ZIM2: variants seen among roughly 807,000 people sequenced by gnomAD.
The protein encoded by ZIM2 is zinc finger protein 656.
Under a neutral mutation model 38.6 loss-of-function variants are expected in ZIM2, and 14 were observed. The ratio of observed to expected loss-of-function variants is 0.36; its 90% confidence interval spans 0.24 to 0.57. The LOEUF (loss-of-function observed/expected upper bound fraction) is 0.57, where lower values mean the gene tolerates loss of function less well. Among genes scored for constraint, ZIM2 ranks in the 20% least tolerant of loss-of-function variants. The probability of loss-of-function intolerance (pLI) is 0.81; values close to 1 mark genes in which losing one functional copy is unlikely to be tolerated. For synonymous variants in ZIM2, 247 were observed against 245.8 expected (o/e 1.00, Z -0.04); for missense variants, 680 against 695.1 (o/e 0.98, Z 0.24).
intron 9 of ZIM2, among the ~76,000 whole-genome samples, chr19:56,803,152 G>A (rs1171224296): frequency 1.3e-5 from 2 of 152,214 alleles, no homozygotes; most frequent in East Asian, 1.9e-4. Context: ...GGGCAGAAGG[G>A]CTGTCCCCAG....
At chr19:56,813,474 G>A (rs2059682467) in intron 9 of ZIM2, 2 of 1,395,046 alleles carry the variant, frequency 1.4e-6, no homozygotes, top group Admixed American at 3.0e-5. Context: ...TGCAGACACT[G>A]ACATCTGAAG....
intron 7 of ZIM2, 48 bp downstream of exon 7, chr19:56,821,603 C>G (rs768142243): frequency 6.2e-7 from 1 of 1,604,976 alleles, no homozygotes; most frequent in Non-Finnish European, 8.5e-7. Context: ...GCGTCTCTGC[C>G]ATGAAATGAA....
chr19:56,809,601 A>G (rs1478359502), intron 9 of ZIM2, among the ~76,000 whole-genome samples: 1 of 152,214 alleles, frequency 6.6e-6, no homozygotes, highest in Non-Finnish European at 1.5e-5. Flanking sequence ...AAGTCAGGTT[A>G]AAGTATGGTT....
In ZIM2 at chr19:56,815,437, T is replaced by C. The variant is rs762372602; in HGVS notation, c.490+2309A>G. On this transcript the variant is annotated intron_variant, in intron 9 of 12. Coordinates refer to ENST00000629319, the MANE Select transcript of ZIM2 (RefSeq NM_001387356.1). ...CAAGCTGCGAATGACAGACCATTCA[T>C]AGTTTCTGCTTCCAGAGGGCTTCTC... 84 of 1,614,014 alleles carry C rather than the reference T, an allele frequency of 5.2e-5. No homozygotes were observed. The highest frequency in any genetic ancestry group is 1.6e-4 in the Middle Eastern group (1 of 6,084).
intron 9 of ZIM2, among the ~76,000 whole-genome samples, chr19:56,808,845 A>G (rs1446479712): frequency 1.3e-5 from 2 of 152,138 alleles, no homozygotes; most frequent in Non-Finnish European, 2.9e-5. Flanking sequence ...CTCTGGCTTT[A>G]TGGTCTATTT....
rs1347881070 is a variant in ZIM2, at chr19:56,779,367, C to T, written c.835+10G>A. The T allele has an allele frequency of 3.7e-6, 6 of 1,613,074 alleles. No individual in the cohort carries two copies. Among genetic ancestry groups the T allele is most frequent in the Non-Finnish European group, 4.2e-6 (5 of 1,179,484 alleles). On this transcript the variant is annotated intron_variant, in intron 12 of 12. Transcript: ENST00000629319. ...CCTCCTACACCCCGGGCTTCCCCCT[C>T]ACTACTCACCTTGACAAATCACTGT...
chr19:56,835,662 C>T (rs1279073419), intron 2 of ZIM2, among the ~76,000 whole-genome samples: 2 of 152,342 alleles, frequency 1.3e-5, no homozygotes, highest in Admixed American at 1.3e-4. Flanking sequence ...CTTCCTTTCC[C>T]CCATTGGGGC....
rs723084 is a variant in ZIM2, at chr19:56,812,219, C to G, written c.490+5527G>C. ...TGCGAGGGGAGGGGAAGCAAAGGAG[C>G]ACAGGTAGTCCACAGAATAGGACAC... On this transcript the variant is annotated intron_variant, in intron 9 of 12. Coordinates refer to ENST00000629319, the MANE Select transcript of ZIM2 (RefSeq NM_001387356.1). The G allele has an allele frequency of 8.6e-3, 8,424 of 981,734 alleles. 560 individuals are homozygous for G. The African/African-American group carries it at 0.14, about 16-fold the overall frequency. The allele number at this position is 981,734 out of a possible 1,614,324, so 60.8% of individuals were successfully genotyped here. A position where few individuals can be genotyped will look rare whatever the true frequency, so the allele number is the denominator to read the frequency against.
intron 1 of ZIM2, among the ~76,000 whole-genome samples, chr19:56,837,544 C>T (rs1247763636): frequency 6.6e-6 from 1 of 152,236 alleles, no homozygotes; most frequent in Non-Finnish European, 1.5e-5. Context: ...TGAACCCGCC[C>T]GCTTCCCGAG....
At position 56,781,933 on chromosome 19, in the gene ZIM2, T is replaced by C. The variant is rs2046352301; in HGVS notation, c.739+20A>G. The C allele has an allele frequency of 6.2e-7, 1 of 1,610,506 alleles. No individual in the cohort carries two copies. The highest frequency in any genetic ancestry group is 1.1e-5 in the South Asian group (1 of 90,822). On this transcript the variant is annotated intron_variant, in intron 11 of 12. Transcript: ENST00000629319. ...GCCCTAGTGGGAAGAAACCAAGTCC[T>C]GTGGAGAAGGCATACTTACCCAGGG...
intron 9 of ZIM2, chr19:56,816,447 G>T (rs772262119): frequency 1.9e-6 from 3 of 1,614,010 alleles, no homozygotes; most frequent in East Asian, 2.2e-5. Context: ...CAGGAATAAA[G>T]GTTTCCTCAC....
At chr19:56,815,126 T>C (rs1433952446) in intron 9 of ZIM2, 1 of 1,613,802 alleles carries the variant, frequency 6.2e-7, no homozygotes, top group Admixed American at 1.7e-5. Flanking sequence ...CATTCATAGA[T>C]TTTGTCATCA....
chr19:56,818,223 C>T (rs1459080798), intron 8 of ZIM2, among the ~76,000 whole-genome samples: 1 of 152,196 alleles, frequency 6.6e-6, no homozygotes. Flanking sequence ...ACCTGCAGCA[C>T]AGCCAACTGC....
rs144150136 is a variant in ZIM2 at position 56,817,749 on chromosome 19, G to C, written c.487C>G (p.Arg163Gly). 3.1e-3 allele frequency: 4,978 copies of C among 1,613,478 alleles called. 11 individuals are homozygous for C. Among genetic ancestry groups the C allele is most frequent in the Non-Finnish European group, 3.7e-3 (4,387 of 1,179,462 alleles). ...SKRSAYPSTS[R>G]GFLAQDSVPA... is the part of the protein sequence containing the mutation. ...GTGGGATGTGCCTCCTGCTTACCTCGACTGGTGCTTGGGTAGGCACTTCTC... is the reference window on the plus strand; with the variant it reads ...GTGGGATGTGCCTCCTGCTTACCTCCACTGGTGCTTGGGTAGGCACTTCTC... The change falls in exon 9 of 13, where the codon CGA (arginine) becomes GGA (glycine). Residue 163 changes from arginine (R) to glycine (G), a missense_variant. By Grantham distance (125) the Arg-to-Gly change is moderately radical (BLOSUM62 -2). Transcript: ENST00000629319.
chr19:56,820,893 T>C (rs1279031304), intron 7 of ZIM2, among the ~76,000 whole-genome samples: 1 of 152,174 alleles, frequency 6.6e-6, no homozygotes, highest in African/African-American at 2.4e-5. Flanking sequence ...AAAGGAAGGC[T>C]CAGCCCAATG....
chr19:56,812,610 G>T, intron 9 of ZIM2: 1 of 985,734 alleles, frequency 1.0e-6, no homozygotes, highest in Non-Finnish European at 1.2e-6. Flanking sequence ...CTTAAGGCAG[G>T]AAGCGCACAA....
At position 56,824,277 on chromosome 19, in the gene ZIM2, TCTC is replaced by T. The variant is rs765801647; in HGVS notation, c.-3_-1del. On this transcript the variant is annotated 5_prime_UTR_variant, in exon 4 of 13. Coordinates refer to ENST00000629319, the MANE Select transcript of ZIM2 (RefSeq NM_001387356.1). Reference sequence around the variant, plus strand: ...AGACTCTCACCTTCTGGTTGGTACATCTCCTTGTAATTCTCCAGCAGAGTGACG... The same window carrying T: ...AGACTCTCACCTTCTGGTTGGTACATCTTGTAATTCTCCAGCAGAGTGACG... The T allele has an allele frequency of 1.2e-4, 197 of 1,613,972 alleles. 1 individual carries two copies. The African/African-American group carries it at 1.9e-3, about 15-fold the overall frequency.
chr19:56,774,885 C>A lies in ZIM2; in HGVS notation c.1480G>T (p.Glu494Ter), dbSNP rs1470532577. 2 of 1,614,064 alleles carry A rather than the reference C, an allele frequency of 1.2e-6. No individual in the cohort carries two copies. The highest frequency in any genetic ancestry group is 1.7e-6 in the Non-Finnish European group (2 of 1,180,040). ...CAGTCACAACACTGGCAGGCTCTCTCTCCAACGTAGTCATGTTTCCGCTGA... is the reference window on the plus strand; with the variant it reads ...CAGTCACAACACTGGCAGGCTCTCTATCCAACGTAGTCATGTTTCCGCTGA... ...RYQRKHDYVG[E>*]RACQCCDCGR... Residue 494 changes from glutamate to a stop codon, truncating the protein, a stop_gained, in exon 13 of 13, where the codon GAG becomes TAG. Transcript: ENST00000629319. LOFTEE classifies it low-confidence loss of function (END_TRUNC).
In ZIM2 at chr19:56,775,545, C is replaced by T; in HGVS notation, c.836-16G>A. 1 of 1,578,678 alleles carries T rather than the reference C, an allele frequency of 6.3e-7. No individual in the cohort carries two copies. Among genetic ancestry groups the T allele is most frequent in the Non-Finnish European group, 8.6e-7 (1 of 1,163,944 alleles). On this transcript the variant is annotated splice_polypyrimidine_tract_variant and intron_variant, in intron 12 of 12. Coordinates refer to ENST00000629319, the MANE Select transcript of ZIM2 (RefSeq NM_001387356.1). Reference sequence around the variant, plus strand: ...TGAGACTCTCCTGCAGAGACAATGCCAGAAGTTACCTACCGCCCAATTATC... The same window carrying T: ...TGAGACTCTCCTGCAGAGACAATGCTAGAAGTTACCTACCGCCCAATTATC...
Sources: allele counts gnomAD v4.1 joint callset (sites outside exome capture counted in the v4.1 genomes callset), GRCh38; gene constraint gnomAD v4.1.1; transcripts MANE v1.5; gene names NCBI Gene and HGNC (gene_info 2026-07-23, HGNC 2026-07-21).